Variants in CCDC167 observed in about 807,000 individuals in gnomAD.
CCDC167 encodes the protein coiled-coil domain containing 167.
CCDC167 carries 15 observed loss-of-function variants against 12.7 expected under a neutral mutation model. That is an observed-to-expected ratio of 1.18 (90% CI 0.79 to 1.81). CCDC167 has a LOEUF of 1.81. Among genes scored for constraint, CCDC167 ranks in the 40% most tolerant of loss-of-function variants. The pLI is 0.00. For missense variants in CCDC167, 121 were observed against 120.1 expected (o/e 1.01, Z -0.03); for synonymous variants, 52 against 49.0 (o/e 1.06, Z -0.26).
intron 1 of CCDC167, among the ~76,000 whole-genome samples, chr6:37,496,269 C>T (rs1455667944): frequency 1.3e-5 from 2 of 151,904 alleles, no homozygotes; most frequent in African/African-American, 4.8e-5. Flanking sequence ...CCCGTCTCTA[C>T]TAAAAATACA....
chr6:37,490,679 G>A (rs934646003), intron 1 of CCDC167, among the ~76,000 whole-genome samples: 4 of 152,094 alleles, frequency 2.6e-5, no homozygotes, highest in Non-Finnish European at 4.4e-5. Flanking sequence ...AAGATCTAAA[G>A]TCAGCCCAGC....
chr6:37,489,257 A>AAAC (rs368831052), intron 1 of CCDC167, among the ~76,000 whole-genome samples: 62,529 of 144,936 alleles, frequency 0.43, 15,565 homozygotes, highest in Middle Eastern at 0.6. Context: ...AACAAACAAA[A>AAAC]AAAAACAGCA....
intron 2 of CCDC167, 63 bp from the exon 3 acceptor site, chr6:37,484,925 T>G: frequency 6.3e-7 from 1 of 1,594,340 alleles, no homozygotes; most frequent in South Asian, 1.1e-5. Flanking sequence ...GAGGGGCAGC[T>G]GGCATGCCAG....
intron 1 of CCDC167, among the ~76,000 whole-genome samples, chr6:37,497,811 T>G (rs1208950765): frequency 6.6e-6 from 1 of 151,092 alleles, no homozygotes; most frequent in African/African-American, 2.4e-5. Context: ...GAGCCAAGAG[T>G]GCACCACTAC....
intron 1 of CCDC167, among the ~76,000 whole-genome samples, chr6:37,498,515 TA>T (rs34494456): frequency 1.6e-3 from 233 of 145,606 alleles, no homozygotes; most frequent in East Asian, 2.6e-3. Context: ...GTGTGGCTTG[TA>T]AAAAAAAAAA....
intron 1 of CCDC167, among the ~76,000 whole-genome samples, chr6:37,496,571 C>T (rs1023441170): frequency 6.6e-5 from 10 of 152,144 alleles, no homozygotes; most frequent in African/African-American, 2.2e-4. Context: ...GATGAGTGAA[C>T]GAATGCCCAA....
At chr6:37,495,298 A>G (rs537173913) in intron 1 of CCDC167, among the ~76,000 whole-genome samples, 2 of 152,232 alleles carry the variant, frequency 1.3e-5, no homozygotes, top group Non-Finnish European at 2.9e-5. Context: ...GGTCACTGAA[A>G]CATCTAAAGA....
At position 37,485,159 on chromosome 6, in the gene CCDC167, C is replaced by A. The variant is rs1441929733; in HGVS notation, c.78G>T (p.Arg26=). The A allele has an allele frequency of 1.9e-6, 3 of 1,613,560 alleles. No individual in the cohort carries two copies. Among genetic ancestry groups the A allele is most frequent in the Non-Finnish European group, 2.5e-6 (3 of 1,180,028 alleles). Residue 26 remains arginine (R), a synonymous_variant, in exon 2 of 4, where the codon CGG becomes CGT. Coordinates refer to ENST00000373408, the MANE Select transcript of CCDC167 (RefSeq NM_138493.3). ...DGLEEKLSQC[R]RDLEAVNSRL... ...TGGAGTTCACGGCCTCCAGGTCTCT[C>A]CGACACTGGGACAGCTTCTCCTCTA... is the stretch of plus-strand genomic sequence containing the variant.
chr6:37,496,040 T>C (rs1389906422), intron 1 of CCDC167, among the ~76,000 whole-genome samples: 1 of 152,120 alleles, frequency 6.6e-6, no homozygotes, highest in South Asian at 2.1e-4. Flanking sequence ...GGGACCAAGA[T>C]AGCAAATATA....
At chr6:37,490,681 C>T (rs1395656437) in intron 1 of CCDC167, among the ~76,000 whole-genome samples, 5 of 152,126 alleles carry the variant, frequency 3.3e-5, no homozygotes, top group African/African-American at 4.8e-5. Context: ...GATCTAAAGT[C>T]AGCCCAGCAG....
In CCDC167 at chr6:37,483,307, G is replaced by A. The variant is rs752022398; in HGVS notation, c.191-18C>T. On this transcript the variant is annotated intron_variant, in intron 3 of 3. Transcript: ENST00000373408. ...TTCCTTCTCTGGGAGGAAAGAGGGT[G>A]ATAGGGATAGGACAGGCAGTTTAGG... 3 of 1,568,650 alleles carry A rather than the reference G, an allele frequency of 1.9e-6. No homozygotes were observed. Among genetic ancestry groups the A allele is most frequent in the Non-Finnish European group, 2.6e-6 (3 of 1,138,758 alleles).
intron 1 of CCDC167, among the ~76,000 whole-genome samples, chr6:37,495,070 G>A (rs1263959973): frequency 6.6e-6 from 1 of 152,170 alleles, no homozygotes; most frequent in Non-Finnish European, 1.5e-5. Flanking sequence ...AAAATACTGG[G>A]ATTACAGGCG....
chr6:37,489,148 A>C (rs905236677), intron 1 of CCDC167, among the ~76,000 whole-genome samples: 2 of 152,090 alleles, frequency 1.3e-5, no homozygotes, highest in African/African-American at 4.8e-5. Context: ...AGGCAGAAGA[A>C]TTGCTTGAAC....
chr6:37,483,843 ACT>A (rs2113903328), intron 3 of CCDC167, among the ~76,000 whole-genome samples: 1 of 151,980 alleles, frequency 6.6e-6, no homozygotes, highest in South Asian at 2.1e-4. Context: ...GCTGGTCTTG[ACT>A]CTAGAGGAAA....
chr6:37,499,679 C>T, intron 1 of CCDC167, 143 bp downstream of exon 1: 2 of 952,272 alleles, frequency 2.1e-6, no homozygotes, highest in East Asian at 2.6e-5. Flanking sequence ...GCCTTCTCAC[C>T]CCTCCCGTCC....
intron 1 of CCDC167, among the ~76,000 whole-genome samples, chr6:37,498,459 T>A (rs1041759948): frequency 6.6e-6 from 1 of 152,070 alleles, no homozygotes; most frequent in African/African-American, 2.4e-5. Context: ...TGGGCCAATA[T>A]TTCTCAAGGG....
chr6:37,483,982 G>C (rs55979453), intron 3 of CCDC167, among the ~76,000 whole-genome samples: 15,528 of 152,238 alleles, frequency 0.1, 816 homozygotes, highest in Non-Finnish European at 0.11. Context: ...CGCTAAACTT[G>C]AAGGGAAACT....
chr6:37,491,910 G>C (rs1393654627), intron 1 of CCDC167, among the ~76,000 whole-genome samples: 1 of 152,210 alleles, frequency 6.6e-6, no homozygotes, highest in Non-Finnish European at 1.5e-5. Flanking sequence ...TCCGGGAGCT[G>C]GGCAGCCACG....
chr6:37,483,128 T>C lies in CCDC167; in HGVS notation c.*58A>G. Reference sequence around the variant, plus strand: ...TCCTATTGAGGCTTGAAGTGCCTGCTTGATCCTGATCAAGGGGCCAAGTGG... The same window carrying C: ...TCCTATTGAGGCTTGAAGTGCCTGCCTGATCCTGATCAAGGGGCCAAGTGG... On this transcript the variant is annotated 3_prime_UTR_variant, in exon 4 of 4. Transcript: ENST00000373408. The C allele has an allele frequency of 7.4e-7, 1 of 1,344,840 alleles. No homozygotes were observed. Among genetic ancestry groups the C allele is most frequent in the Non-Finnish European group, 1.1e-6 (1 of 934,820 alleles). The allele number at this position is 1,344,840 out of a possible 1,614,324, so 83.3% of individuals were successfully genotyped here.
Sources: gnomAD v4.1 joint callset for allele counts (sites outside exome capture counted in the v4.1 genomes callset) on GRCh38, gnomAD v4.1.1 for gene constraint, MANE v1.5 for transcripts, NCBI Gene and HGNC (gene_info 2026-07-23, HGNC 2026-07-21) for gene names.